The following NEO1 variants were observed in gnomAD, a reference collection of about 807,000 sequenced individuals.
NEO1 encodes the protein neogenin 1.
A neutral mutation model predicts 159.7 loss-of-function variants in NEO1; 63 were observed. The ratio of observed to expected loss-of-function variants is 0.39; its 90% confidence interval spans 0.32 to 0.49. The LOEUF (loss-of-function observed/expected upper bound fraction) is 0.49, where lower values mean the gene tolerates loss of function less well. NEO1 is among the 20% of genes least tolerant of loss of function. NEO1 has a pLI of 0.85. For synonymous variants in NEO1, 633 were observed against 662.0 expected, an observed-to-expected ratio of 0.96 and a Z score of 0.67; for missense variants, 1,615 against 1,831.0, an observed-to-expected ratio of 0.88 and a Z score of 2.15.
chr15:73,274,005 G>A lies in NEO1; in HGVS notation c.3160G>A (p.Ala1054Thr). Residue 1054 changes from alanine (A) to threonine (T), a missense_variant and splice_region_variant, in exon 20 of 29, where the codon GCG becomes ACG. Ala to Thr is a moderately conservative substitution (Grantham distance 58). This residue lies in a region of NEO1 where 126 missense variants were observed against 216.7 expected (regional missense o/e 0.58). Coordinates refer to ENST00000261908, the MANE Select transcript of NEO1 (RefSeq NM_002499.4). ...SEAVQFRTPK[A>T]DSSDKMPNDQ... is the part of the protein sequence containing the mutation. ...AGCTGTCCAATTCAGAACACCTAAA[G>A]GTAATGCTCCCCAAGCTGAGGGTTT... is the stretch of plus-strand genomic sequence containing the variant. 1 of 1,612,814 alleles carries A rather than the reference G, an allele frequency of 6.2e-7. No homozygotes were observed. The highest frequency in any genetic ancestry group is 8.5e-7 in the Non-Finnish European group (1 of 1,179,424).
chr15:73,122,742 A>G lies in NEO1; in HGVS notation c.666A>G (p.Val222=), dbSNP rs1173543449. The G allele has an allele frequency of 6.2e-7, 1 of 1,614,112 alleles. No individual in the cohort carries two copies. The highest frequency in any genetic ancestry group is 1.3e-5 in the African/African-American group (1 of 74,942). Residue 222 remains valine (V), a synonymous_variant, in exon 3 of 29, where the codon GTA becomes GTG. Transcript: ENST00000261908. Reference sequence around the variant, plus strand: ...GAGATGGCGGGCTTTATCGCTGCGTAGTGGAAAGTGGTGGGCCACCAAAGT... The same window carrying G: ...GAGATGGCGGGCTTTATCGCTGCGTGGTGGAAAGTGGTGGGCCACCAAAGT... ...TEGDGGLYRC[V]VESGGPPKYS...
intron 15 of NEO1, among the ~76,000 whole-genome samples, chr15:73,264,328 A>C (rs539625328): frequency 1.3e-5 from 2 of 152,230 alleles, no homozygotes; most frequent in African/African-American, 4.8e-5. Flanking sequence ...AACAAAAAGA[A>C]AACACAAGAA....
intron 2 of NEO1, among the ~76,000 whole-genome samples, chr15:73,117,355 T>G (rs1353157722): frequency 6.6e-6 from 1 of 152,196 alleles, no homozygotes. Context: ...AGAGGAACTT[T>G]CCCTCCTTTT....
Position 73,260,422 on chromosome 15 carries a change from C to G in NEO1, c.2355C>G (p.Ile785Met). Residue 785 changes from isoleucine (I) to methionine (M), a missense_variant, in exon 15 of 29, where the codon ATC (isoleucine) becomes ATG (methionine). Ile to Met is a conservative substitution (Grantham distance 10). Coordinates refer to ENST00000261908, the MANE Select transcript of NEO1 (RefSeq NM_002499.4). ...TTGGCAGCCCTCATGCCCAGACCAT[C>G]AAAGTGGACTATAAACAGCGCTATT... The part of the protein sequence containing the change: ...YGIGSPHAQT[I>M]KVDYKQRYYT... 6.2e-7 allele frequency: 1 copy of G among 1,613,866 alleles called. No individual in the cohort carries two copies. Among genetic ancestry groups the G allele is most frequent in the Non-Finnish European group, 8.5e-7 (1 of 1,179,886 alleles).
intron 1 of NEO1, among the ~76,000 whole-genome samples, chr15:73,086,600 AC>A (rs1399902985): frequency 7.2e-6 from 1 of 138,792 alleles, no homozygotes; most frequent in African/African-American, 2.7e-5. Context: ...TCACTCTGTC[AC>A]CCAGGCTGGA....
At chr15:73,267,039 C>G (rs2040936802) in intron 16 of NEO1, among the ~76,000 whole-genome samples, 2 of 152,092 alleles carry the variant, frequency 1.3e-5, no homozygotes, top group African/African-American at 2.4e-5. Flanking sequence ...CAGGCAGACC[C>G]CGAGGTCAGG....
intron 5 of NEO1, among the ~76,000 whole-genome samples, chr15:73,140,973 G>A (rs890225975): frequency 4.6e-5 from 7 of 152,142 alleles, no homozygotes; most frequent in East Asian, 1.9e-4. Context: ...AATCGTTACC[G>A]AATGTTGCAC....
intron 23 of NEO1, among the ~76,000 whole-genome samples, chr15:73,284,344 T>C (rs924399004): frequency 1.3e-5 from 2 of 152,332 alleles, no homozygotes; most frequent in South Asian, 2.1e-4. Flanking sequence ...CAAGAATGCA[T>C]GTATTTAATA....
At chr15:73,186,553 A>G (rs1236471983) in intron 7 of NEO1, among the ~76,000 whole-genome samples, 1 of 152,068 alleles carries the variant, frequency 6.6e-6, no homozygotes, top group Non-Finnish European at 1.5e-5. Flanking sequence ...GAGATAATTG[A>G]CTGTCTAGAC....
chr15:73,144,728 A>T (rs2032737246), intron 5 of NEO1, among the ~76,000 whole-genome samples: 1 of 152,186 alleles, frequency 6.6e-6, no homozygotes. Flanking sequence ...TCCCACAGGT[A>T]CCTCAGAAAT....
chr15:73,238,962 C>A lies in NEO1; in HGVS notation c.1451+2456C>A, dbSNP rs149540557. 5.5e-3 allele frequency among the ~76,000 whole-genome samples: 835 copies of A among 152,208 alleles called. 7 individuals are homozygous for A. The highest frequency in any genetic ancestry group is 0.019 in the African/African-American group (787 of 41,522). Reference sequence around the variant, plus strand: ...TTCCCAGGTTCCAGCGATTCTCCTGCCTCAGCCTCCCAAGTAGCTGGAATT... The same window carrying A: ...TTCCCAGGTTCCAGCGATTCTCCTGACTCAGCCTCCCAAGTAGCTGGAATT... On this transcript the variant is annotated intron_variant, in intron 8 of 28. Transcript: ENST00000261908.
At chr15:73,089,382 A>T (rs958384789) in intron 1 of NEO1, among the ~76,000 whole-genome samples, 4 of 152,148 alleles carry the variant, frequency 2.6e-5, no homozygotes, top group African/African-American at 9.6e-5. Flanking sequence ...CTCCTAGGCA[A>T]TATTTTTTTT....
At position 73,234,518 on chromosome 15, in the gene NEO1, A is replaced by C. The variant is rs2039072996; in HGVS notation, c.1292-1829A>C. Among the ~76,000 whole-genome samples the C allele has an allele frequency of 2.0e-5, 3 of 152,182 alleles. No homozygotes were observed. In the South Asian group the frequency reaches 6.2e-4, roughly 32 times the overall value. On this transcript the variant is annotated intron_variant, in intron 7 of 28. Transcript: ENST00000261908. ...TAAACTGACAAAATATATAAAGACA[A>C]ACTCTGAAAGCTGTGAATGAGAGGT...
chr15:73,232,829 T>A (rs1399454544), intron 7 of NEO1, among the ~76,000 whole-genome samples: 1 of 152,198 alleles, frequency 6.6e-6, no homozygotes, highest in Non-Finnish European at 1.5e-5. Flanking sequence ...AATGAGCTCT[T>A]CTGGCAACAG....
chr15:73,094,374 A>G (rs563882756), intron 1 of NEO1, among the ~76,000 whole-genome samples: 20 of 152,310 alleles, frequency 1.3e-4, no homozygotes, highest in African/African-American at 4.6e-4. Flanking sequence ...AGGTTCGTCC[A>G]TGTTGTAGCT....
intron 1 of NEO1, among the ~76,000 whole-genome samples, chr15:73,063,098 T>G (rs147456337): frequency 2.0e-5 from 3 of 152,272 alleles, no homozygotes; most frequent in African/African-American, 7.2e-5. Context: ...TTATATAAAA[T>G]GATAAAGTTC....
chr15:73,139,228 AAG>A (rs1209278926), intron 5 of NEO1, among the ~76,000 whole-genome samples: 1 of 152,128 alleles, frequency 6.6e-6, no homozygotes, highest in Non-Finnish European at 1.5e-5. Context: ...ACTAAAAGAA[AAG>A]AGGGGAAAAG....
At chr15:73,068,231 C>CCCCCCCCCCCCCCCG (rs55919404) in intron 1 of NEO1, among the ~76,000 whole-genome samples, 35 of 120,528 alleles carry the variant, frequency 2.9e-4, no homozygotes, top group Non-Finnish European at 5.1e-4. Flanking sequence ...CTACCCCCCC[C>CCCCCCCCCCCCCCCG]CCTTTTTTTT....
At chr15:73,187,271 C>A (rs980708167) in intron 7 of NEO1, among the ~76,000 whole-genome samples, 1 of 152,086 alleles carries the variant, frequency 6.6e-6, no homozygotes, top group African/African-American at 2.4e-5. Flanking sequence ...GTTTGTAGTT[C>A]TCCCTTTAAC....
Sources: allele counts gnomAD v4.1 joint callset (sites outside exome capture counted in the v4.1 genomes callset), GRCh38; gene constraint gnomAD v4.1.1; regional missense constraint gnomAD v4.1.1; transcripts MANE v1.5; gene names NCBI Gene and HGNC (gene_info 2026-07-23, HGNC 2026-07-21).